The following IL1RAPL2 variants were observed in gnomAD, a reference collection of about 807,000 sequenced individuals.
The protein encoded by IL1RAPL2 is X-linked interleukin-1 receptor accessory protein-like 2.
IL1RAPL2 carries 3 observed loss-of-function variants against 44.1 expected under a neutral mutation model. The observed-to-expected ratio is 0.07, with a 90% CI of 0.03 to 0.18. IL1RAPL2 has a LOEUF of 0.18. IL1RAPL2 is among the 10% of genes least tolerant of loss of function. The pLI is 1.00. For missense variants in IL1RAPL2, 391 were observed against 496.4 expected, an observed-to-expected ratio of 0.79 and a Z score of 2.02; for synonymous variants, 181 against 178.8, an observed-to-expected ratio of 1.01 and a Z score of -0.10.
At chrX:105,363,296 A>G (rs868671443) in intron 5 of IL1RAPL2, among the ~76,000 whole-genome samples, 3 of 78,563 alleles carry the variant, frequency 3.8e-5, no homozygotes, top group Non-Finnish European at 2.1e-5. Flanking sequence ...TATAATATAT[A>G]TATATATATA....
At chrX:104,837,645 A>G (rs1377498191) in intron 2 of IL1RAPL2, among the ~76,000 whole-genome samples, 1 of 111,770 alleles carries the variant, frequency 8.9e-6, no homozygotes, top group Non-Finnish European at 1.9e-5. Flanking sequence ...TCCAATGGGT[A>G]GATTGCAAAA....
chrX:104,961,856 G>A lies in IL1RAPL2; in HGVS notation c.83-233619G>A, dbSNP rs1178305264. ...TTGTTAGATGAATGAATGAATGAAT[G>A]AGTGAATGAATTCCGCAAGTGCTTA... is the stretch of plus-strand genomic sequence containing the variant. On this transcript the variant is annotated intron_variant, in intron 2 of 10. Transcript: ENST00000372582. Among the ~76,000 whole-genome samples, 4 of 112,231 alleles carry A rather than the reference G, an allele frequency of 3.6e-5. 1 individual carries two copies. The South Asian group carries it at 1.5e-3, about 42-fold the overall frequency.
intron 2 of IL1RAPL2, among the ~76,000 whole-genome samples, chrX:104,904,344 C>T (rs1357691976): frequency 9.3e-6 from 1 of 108,091 alleles, no homozygotes; most frequent in Non-Finnish European, 1.9e-5. Context: ...GGTACATGTG[C>T]ACATTGTGCA....
rs191441076 is a variant in IL1RAPL2 at position 104,974,931 on chromosome X, G to T, written c.83-220544G>T. On this transcript the variant is annotated intron_variant, in intron 2 of 10. Transcript: ENST00000372582. ...CACACTGATTCTGGCCCAGGGGCCT[G>T]CGAGTTGGGATTCCTTTCTGGGCAT... Among the ~76,000 whole-genome samples, 4 of 112,396 alleles carry T rather than the reference G, an allele frequency of 3.6e-5. No homozygotes were observed. The East Asian group carries it at 1.1e-3, about 32-fold the overall frequency.
chrX:104,662,694 G>C lies in IL1RAPL2; in HGVS notation c.82+3699G>C, dbSNP rs140402054. On this transcript the variant is annotated intron_variant, in intron 2 of 10. Coordinates refer to ENST00000372582, the MANE Select transcript of IL1RAPL2 (RefSeq NM_017416.2). ...TTAGCTATTTTTTAACCTGAAAAAC[G>C]TCCTCAGAATATACATGAACTTTAT... Among the ~76,000 whole-genome samples the C allele has an allele frequency of 3.5e-4, 39 of 111,521 alleles. 1 individual carries two copies. The East Asian group carries it at 1.0e-2, about 29-fold the overall frequency.
At chrX:105,266,045 C>CT (rs374262397) in intron 4 of IL1RAPL2, among the ~76,000 whole-genome samples, 166 of 102,859 alleles carry the variant, frequency 1.6e-3, no homozygotes, top group Non-Finnish European at 2.1e-3. Flanking sequence ...TGATAAAATA[C>CT]TTTTTTTTTT....
chrX:104,830,858 C>T (rs1293825482), intron 2 of IL1RAPL2, among the ~76,000 whole-genome samples: 1 of 112,136 alleles, frequency 8.9e-6, no homozygotes, highest in African/African-American at 3.2e-5. Flanking sequence ...AATTCCATTG[C>T]TGATAATGAC....
In IL1RAPL2 at chrX:104,847,546, G is replaced by A. The variant is rs1024190166; in HGVS notation, c.82+188551G>A. On this transcript the variant is annotated intron_variant, in intron 2 of 10. Coordinates refer to ENST00000372582, the MANE Select transcript of IL1RAPL2 (RefSeq NM_017416.2). Reference sequence around the variant, plus strand: ...CTGAGGGGTCTGTTCTGTTCCACTCGTCTATATCTCTGTTTTGGTACCAGT... The same window carrying A: ...CTGAGGGGTCTGTTCTGTTCCACTCATCTATATCTCTGTTTTGGTACCAGT... 1.2e-4 allele frequency among the ~76,000 whole-genome samples: 13 copies of A among 111,384 alleles called. No homozygotes were observed. In the East Asian group the frequency reaches 2.3e-3, roughly 19 times the overall value.
chrX:104,668,297 C>T (rs1187445414), intron 2 of IL1RAPL2, among the ~76,000 whole-genome samples: 1 of 108,680 alleles, frequency 9.2e-6, no homozygotes, highest in Non-Finnish European at 1.9e-5. Context: ...TAGCTCTGTG[C>T]TAGTGTTTCT....
At chrX:105,516,770 C>T (rs1033589842) in intron 6 of IL1RAPL2, among the ~76,000 whole-genome samples, 2 of 111,769 alleles carry the variant, frequency 1.8e-5, no homozygotes, top group African/African-American at 6.5e-5. Flanking sequence ...CAGCCACATG[C>T]CTTGGGTTAC....
At chrX:104,626,706 A>G (rs1929513136) in intron 1 of IL1RAPL2, among the ~76,000 whole-genome samples, 1 of 111,198 alleles carries the variant, frequency 9.0e-6, no homozygotes, top group African/African-American at 3.3e-5. Context: ...TTAATTGCAG[A>G]TGACATATCA....
intron 2 of IL1RAPL2, among the ~76,000 whole-genome samples, chrX:104,916,869 A>G (rs1924458922): frequency 1.8e-5 from 2 of 111,594 alleles, no homozygotes; most frequent in African/African-American, 6.5e-5. Flanking sequence ...GCTGGATTAC[A>G]TTTATTGATT....
intron 2 of IL1RAPL2, among the ~76,000 whole-genome samples, chrX:105,179,147 T>C (rs1032214870): frequency 1.8e-5 from 2 of 110,709 alleles, no homozygotes; most frequent in African/African-American, 6.8e-5. Context: ...AAGTCTCTAA[T>C]CCTTGTTGAG....
chrX:105,330,179 C>T (rs756141088), intron 5 of IL1RAPL2, among the ~76,000 whole-genome samples: 7 of 111,563 alleles, frequency 6.3e-5, no homozygotes, highest in African/African-American at 2.0e-4. Context: ...ATGTGCACAC[C>T]TTGTTCAGAT....
At chrX:105,652,803 G>A (rs749880282) in intron 6 of IL1RAPL2, among the ~76,000 whole-genome samples, 6 of 110,995 alleles carry the variant, frequency 5.4e-5, no homozygotes, top group Non-Finnish European at 1.1e-4. Flanking sequence ...AAGAACTGTG[G>A]CTTATACTAA....
At chrX:105,250,037 T>A (rs1262656424) in intron 4 of IL1RAPL2, among the ~76,000 whole-genome samples, 1 of 111,254 alleles carries the variant, frequency 9.0e-6, no homozygotes, top group Non-Finnish European at 1.9e-5. Context: ...GAAAAAATGA[T>A]ATATCAAATC....
intron 1 of IL1RAPL2, among the ~76,000 whole-genome samples, chrX:104,645,302 A>G (rs1297941607): frequency 9.0e-6 from 1 of 111,477 alleles, no homozygotes; most frequent in Non-Finnish European, 1.9e-5. Context: ...ATTTTTCACT[A>G]ACATCTATTC....
At chrX:104,802,920 T>C (rs1462736070) in intron 2 of IL1RAPL2, among the ~76,000 whole-genome samples, 2 of 111,157 alleles carry the variant, frequency 1.8e-5, no homozygotes, top group Non-Finnish European at 3.8e-5. Flanking sequence ...GAAAGATCTT[T>C]ACACACAGTA....
intron 2 of IL1RAPL2, among the ~76,000 whole-genome samples, chrX:105,087,983 C>G (rs989922695): frequency 2.7e-5 from 3 of 111,921 alleles, no homozygotes; most frequent in African/African-American, 9.7e-5. Flanking sequence ...ATTTTTGTAA[C>G]ACATTTGAAC....
Sources: allele counts gnomAD v4.1 joint callset (sites outside exome capture counted in the v4.1 genomes callset), GRCh38; gene constraint gnomAD v4.1.1; transcripts MANE v1.5; gene names NCBI Gene and HGNC (gene_info 2026-07-23, HGNC 2026-07-21).